The following FRMD6 variants were observed in gnomAD, a reference collection of about 807,000 sequenced individuals.
FRMD6 encodes the protein FERM domain-containing protein 6.
A neutral mutation model predicts 73.2 loss-of-function variants in FRMD6; 37 were observed. The ratio of observed to expected loss-of-function variants is 0.51; its 90% confidence interval spans 0.39 to 0.66. FRMD6 has a LOEUF of 0.66. Ranked by LOEUF, FRMD6 falls within the 30% of genes least tolerant of loss-of-function variation. The pLI, the probability that FRMD6 is intolerant of heterozygous loss-of-function variation, is 0.00. For missense variants in FRMD6, 714 were observed against 780.5 expected, an observed-to-expected ratio of 0.91 and a Z score of 1.02; for synonymous variants, 273 against 282.2, an observed-to-expected ratio of 0.97 and a Z score of 0.33.
chr14:51,493,270 C>G (rs1883116945), intron 1 of FRMD6, among the ~76,000 whole-genome samples: 1 of 152,184 alleles, frequency 6.6e-6, no homozygotes, highest in South Asian at 2.1e-4. Context: ...TACTTCATTT[C>G]TAACACAATT....
chr14:51,419,903 C>T, the FRMD6 span, among the ~76,000 whole-genome samples: 4 of 152,026 alleles, frequency 2.6e-5, no homozygotes, highest in Admixed American at 6.6e-5. Context: ...TGACTTCCTG[C>T]CCTTGTTAGG....
At chr14:51,482,931 T>G in the FRMD6 span, among the ~76,000 whole-genome samples, 1 of 151,992 alleles carries the variant, frequency 6.6e-6, no homozygotes, top group Non-Finnish European at 1.5e-5. Context: ...CTCGATCTCC[T>G]GACCTCGTGA....
At chr14:51,716,280 T>A (rs1353664203) in intron 10 of FRMD6, among the ~76,000 whole-genome samples, 1 of 152,082 alleles carries the variant, frequency 6.6e-6, no homozygotes, top group Admixed American at 6.5e-5. Context: ...AACTGCTACA[T>A]TACGTATTTG....
chr14:51,450,601 A>G, the FRMD6 span, among the ~76,000 whole-genome samples: 2 of 152,338 alleles, frequency 1.3e-5, no homozygotes, highest in Non-Finnish European at 2.9e-5. Flanking sequence ...CAGCTACCAC[A>G]CAAAATAGGA....
intron 1 of FRMD6, among the ~76,000 whole-genome samples, chr14:51,516,489 A>G (rs933385165): frequency 7.9e-5 from 12 of 151,632 alleles, no homozygotes; most frequent in African/African-American, 2.9e-4. Context: ...ATAACTTCAG[A>G]AAGGACCAGA....
chr14:51,716,377 G>A (rs1475062668), intron 10 of FRMD6, among the ~76,000 whole-genome samples: 1 of 151,478 alleles, frequency 6.6e-6, no homozygotes, highest in Non-Finnish European at 1.5e-5. Flanking sequence ...AATTCATGTT[G>A]TAGTAATATC....
chr14:51,546,993 G>A (rs758789346), intron 1 of FRMD6, among the ~76,000 whole-genome samples: 5 of 151,730 alleles, frequency 3.3e-5, no homozygotes, highest in African/African-American at 4.9e-5. Flanking sequence ...GTATGATCTC[G>A]GTGCCTTCCT....
chr14:51,432,333 AT>A, the FRMD6 span, among the ~76,000 whole-genome samples: 7 of 150,606 alleles, frequency 4.6e-5, no homozygotes, highest in African/African-American at 7.3e-5. Context: ...TACAAGATTG[AT>A]TTTTTTTTTC....
At chr14:51,521,534 A>G (rs1021255822) in intron 1 of FRMD6, among the ~76,000 whole-genome samples, 1 of 152,130 alleles carries the variant, frequency 6.6e-6, no homozygotes, top group African/African-American at 2.4e-5. Flanking sequence ...TTTGTCTTTC[A>G]GTAGAGAACA....
chr14:51,559,323 C>T (rs775125684), intron 1 of FRMD6, among the ~76,000 whole-genome samples: 4 of 152,142 alleles, frequency 2.6e-5, no homozygotes, highest in Non-Finnish European at 4.4e-5. Context: ...AGACTTCAAC[C>T]ATCATTGTTT....
chr14:51,657,996 C>T (rs755284357), intron 1 of FRMD6, among the ~76,000 whole-genome samples: 12 of 152,276 alleles, frequency 7.9e-5, no homozygotes, highest in Non-Finnish European at 1.8e-4. Flanking sequence ...TCAATCTTGT[C>T]TCCTCTAGTG....
the FRMD6 span, among the ~76,000 whole-genome samples, chr14:51,470,448 C>T: frequency 6.6e-6 from 1 of 151,806 alleles, no homozygotes; most frequent in Non-Finnish European, 1.5e-5. Flanking sequence ...TGCAGTGAGC[C>T]GAGATTGCGC....
intron 2 of FRMD6, among the ~76,000 whole-genome samples, chr14:51,608,110 G>T (rs564458780): frequency 6.6e-6 from 1 of 152,220 alleles, no homozygotes. Flanking sequence ...AGGAGACTGC[G>T]GTGATTTGGG....
In FRMD6 at chr14:51,501,943, T is replaced by C. The variant is rs568090420; in HGVS notation, c.-210+12523T>C. On this transcript the variant is annotated intron_variant, in intron 1 of 14. Coordinates refer to the FRMD6 transcript ENST00000356218. ...TGACTGGCATGAGATGGTATTTCATTGTGGTTCTGATTTGCATTTCTCAAA... is the reference window on the plus strand; with the variant it reads ...TGACTGGCATGAGATGGTATTTCATCGTGGTTCTGATTTGCATTTCTCAAA... Among the ~76,000 whole-genome samples, 19 of 152,344 alleles carry C rather than the reference T, an allele frequency of 1.2e-4. 1 individual carries two copies. The South Asian group carries it at 3.5e-3, about 28-fold the overall frequency.
chr14:51,619,380 G>GAA (rs796364037), intron 2 of FRMD6, among the ~76,000 whole-genome samples: 1 of 124,776 alleles, frequency 8.0e-6, no homozygotes, highest in Non-Finnish European at 1.7e-5. Flanking sequence ...GGAGGATAAA[G>GAA]AAAAAAAAAA....
chr14:51,470,068 A>G, the FRMD6 span, among the ~76,000 whole-genome samples: 3 of 152,224 alleles, frequency 2.0e-5, no homozygotes, highest in South Asian at 4.1e-4. Flanking sequence ...AACTTTGTTT[A>G]TAACATAAAG....
chr14:51,691,587 G>GTT (rs1895575218), intron 2 of FRMD6, among the ~76,000 whole-genome samples: 2 of 90,574 alleles, frequency 2.2e-5, no homozygotes, highest in Non-Finnish European at 5.0e-5. Context: ...TTTTGATTTT[G>GTT]ATTTTTTTTT....
chr14:51,520,951 A>G lies in FRMD6; in HGVS notation c.-210+31531A>G, dbSNP rs78896314. Among the ~76,000 whole-genome samples, 1,353 of 152,348 alleles carry G rather than the reference A, an allele frequency of 8.9e-3. 14 individuals carry two copies. Among genetic ancestry groups the G allele is most frequent in the African/African-American group, 0.03 (1,234 of 41,582 alleles). The stretch of plus-strand genomic sequence containing the variant: ...AAAAAATAAAATGAGTGAACTATTC[A>G]TCTATGAAACAACATGGATAAATCT... On this transcript the variant is annotated intron_variant, in intron 1 of 14. Coordinates refer to the FRMD6 transcript ENST00000356218.
chr14:51,596,834 A>G (rs76382390), intron 2 of FRMD6, among the ~76,000 whole-genome samples: 4,851 of 152,292 alleles, frequency 0.032, 118 homozygotes, highest in East Asian at 0.089. Flanking sequence ...AAGAGCATTC[A>G]GAGAAGCCAT....
Sources: gnomAD v4.1 joint callset for allele counts (sites outside exome capture counted in the v4.1 genomes callset) on GRCh38, gnomAD v4.1.1 for gene constraint, MANE v1.5 for transcripts, NCBI Gene and HGNC (gene_info 2026-07-23, HGNC 2026-07-21) for gene names.